PIK3CA: variants seen among roughly 807,000 people sequenced by gnomAD.
PIK3CA encodes phosphatidylinositol 4,5-bisphosphate 3-kinase catalytic subunit alpha isoform.
In PIK3CA, 27 loss-of-function variants were observed where a neutral mutation model predicts 138.2. The ratio of observed to expected loss-of-function variants is 0.20; its 90% CI spans 0.14 to 0.27. PIK3CA has a LOEUF of 0.27. Among genes scored for constraint, PIK3CA ranks in the 10% least tolerant of loss-of-function variants. The pLI is 1.00. For synonymous variants in PIK3CA, 358 were observed against 413.2 expected (o/e 0.87, Z 1.62); for missense variants, 544 against 1,277.4 (o/e 0.43, Z 8.75).
chr3:179,191,224 T>G (rs1185455689), intron 1 of PIK3CA, among the ~76,000 whole-genome samples: 1 of 152,210 alleles, frequency 6.6e-6, no homozygotes, highest in Non-Finnish European at 1.5e-5. Context: ...AAAGAACTCA[T>G]CATGTCAAAG....
chr3:179,163,211 A>G (rs1723329465), intron 1 of PIK3CA, among the ~76,000 whole-genome samples: 1 of 152,218 alleles, frequency 6.6e-6, no homozygotes, highest in South Asian at 2.1e-4. Flanking sequence ...TACATACCAA[A>G]ATAAAGTCTA....
intron 6 of PIK3CA, among the ~76,000 whole-genome samples, chr3:179,206,634 G>T (rs867843655): frequency 6.6e-6 from 1 of 152,156 alleles, no homozygotes; most frequent in African/African-American, 2.4e-5. Context: ...AAAGTAAAAG[G>T]CTGGGCGTGG....
At chr3:179,167,044 A>G (rs1723438372) in intron 1 of PIK3CA, among the ~76,000 whole-genome samples, 1 of 152,174 alleles carries the variant, frequency 6.6e-6, no homozygotes, top group South Asian at 2.1e-4. Context: ...TTAGGGCACC[A>G]CACTTTGAAA....
intron 9 of PIK3CA, among the ~76,000 whole-genome samples, chr3:179,216,384 A>G (rs1449417649): frequency 1.3e-5 from 2 of 151,720 alleles, no homozygotes; most frequent in Non-Finnish European, 2.9e-5. Flanking sequence ...TATTATATGC[A>G]CCAAAATTTT....
rs185367658 is a variant in PIK3CA at position 179,236,422 on chromosome 3, T to C, written c.*2058T>C. 901 of 212,656 alleles carry C rather than the reference T, an allele frequency of 4.2e-3. 9 individuals carry two copies. The highest frequency in any genetic ancestry group is 0.019 in the African/African-American group (827 of 44,280). The allele number at this position is 212,656 out of a possible 1,614,324, so 13.2% of individuals were successfully genotyped here. ...ATTAACATTTTGTGTTGTTTAGATA[T>C]AGGCAGTTGATACATACTAACATCC... On this transcript the variant is annotated 3_prime_UTR_variant, in exon 21 of 21. Transcript: ENST00000263967.
intron 9 of PIK3CA, among the ~76,000 whole-genome samples, chr3:179,212,469 C>T (rs896775416): frequency 3.3e-5 from 5 of 151,520 alleles, no homozygotes; most frequent in Admixed American, 6.6e-5. Context: ...ATTAGCCAGG[C>T]GTTGTTGTAC....
chr3:179,228,138 C>G (rs567524035), intron 17 of PIK3CA, among the ~76,000 whole-genome samples: 63 of 152,030 alleles, frequency 4.1e-4, no homozygotes, highest in Middle Eastern at 6.8e-3. Context: ...TTCAAACTTG[C>G]AACAAAAATT....
intron 1 of PIK3CA, among the ~76,000 whole-genome samples, chr3:179,162,058 A>G (rs928756346): frequency 6.6e-6 from 1 of 152,180 alleles, no homozygotes; most frequent in Non-Finnish European, 1.5e-5. Flanking sequence ...AATTACTCAT[A>G]AAGTACAATG....
chr3:179,192,773 A>T (rs1310672230), intron 1 of PIK3CA, among the ~76,000 whole-genome samples: 1 of 152,232 alleles, frequency 6.6e-6, no homozygotes, highest in Non-Finnish European at 1.5e-5. Context: ...GCAAGTGGTG[A>T]GTTGGATTTG....
chr3:179,173,812 C>T (rs970854087), intron 1 of PIK3CA, among the ~76,000 whole-genome samples: 18 of 151,998 alleles, frequency 1.2e-4, no homozygotes, highest in Middle Eastern at 3.4e-3. Context: ...CTGCAACCTC[C>T]GCCTCCCTGG....
chr3:179,182,670 C>CA (rs1165014148), intron 1 of PIK3CA, among the ~76,000 whole-genome samples: 49 of 149,258 alleles, frequency 3.3e-4, no homozygotes, highest in African/African-American at 9.6e-4. Context: ...GACCCTGTCT[C>CA]AAAAAAAAAG....
chr3:179,173,841 C>T (rs1560128169), intron 1 of PIK3CA, among the ~76,000 whole-genome samples: 1 of 151,990 alleles, frequency 6.6e-6, no homozygotes, highest in East Asian at 2.0e-4. Flanking sequence ...ATTCTTCTGC[C>T]TCAGCCTCCC....
chr3:179,224,929 A>G (rs763376951), intron 16 of PIK3CA, 108 bp downstream of exon 16: 123 of 644,884 alleles, frequency 1.9e-4, no homozygotes, highest in Non-Finnish European at 2.8e-4. Context: ...AGGAATATAC[A>G]CATGTGATAA....
chr3:179,163,426 C>T (rs1723335487), intron 1 of PIK3CA, among the ~76,000 whole-genome samples: 1 of 152,090 alleles, frequency 6.6e-6, no homozygotes, highest in African/African-American at 2.4e-5. Context: ...GAGACTGAGG[C>T]AGGAAGACTG....
At chr3:179,204,889 C>A (rs961047203) in intron 6 of PIK3CA, among the ~76,000 whole-genome samples, 3 of 151,474 alleles carry the variant, frequency 2.0e-5, no homozygotes, top group Non-Finnish European at 4.4e-5. Context: ...GGCGTGGTGG[C>A]GGGCACCTGT....
chr3:179,201,820 A>T (rs1724419226), intron 4 of PIK3CA, among the ~76,000 whole-genome samples: 1 of 151,980 alleles, frequency 6.6e-6, no homozygotes, highest in Non-Finnish European at 1.5e-5. Context: ...GTTATCTAGG[A>T]TAGTCTTGAT....
At chr3:179,229,729 A>G (rs1356476833) in intron 18 of PIK3CA, among the ~76,000 whole-genome samples, 3 of 152,182 alleles carry the variant, frequency 2.0e-5, no homozygotes, top group African/African-American at 7.2e-5. Flanking sequence ...TTTTATTTCT[A>G]ATTCATTGTT....
chr3:179,205,767 C>A (rs1045557840), intron 6 of PIK3CA, among the ~76,000 whole-genome samples: 1 of 152,118 alleles, frequency 6.6e-6, no homozygotes, highest in Non-Finnish European at 1.5e-5. Flanking sequence ...TACCCCTGAA[C>A]GTAATAGCAG....
At chr3:179,205,767 C>T (rs1045557840) in intron 6 of PIK3CA, among the ~76,000 whole-genome samples, 1 of 152,118 alleles carries the variant, frequency 6.6e-6, no homozygotes, top group Non-Finnish European at 1.5e-5. Flanking sequence ...TACCCCTGAA[C>T]GTAATAGCAG....
Sources: allele counts gnomAD v4.1 joint callset (sites outside exome capture counted in the v4.1 genomes callset), GRCh38; gene constraint gnomAD v4.1.1; transcripts MANE v1.5; gene names NCBI Gene and HGNC (gene_info 2026-07-23, HGNC 2026-07-21).